Variants in USP34 observed in about 807,000 individuals in gnomAD.
USP34 encodes ubiquitin carboxyl-terminal hydrolase 34.
USP34 carries 70 observed loss-of-function variants against 460.3 expected under a neutral mutation model. The ratio of observed to expected loss-of-function variants is 0.15; its 90% CI spans 0.13 to 0.19. USP34 has a LOEUF of 0.19. Ranked by LOEUF, USP34 falls within the 10% of genes least tolerant of loss-of-function variation. The pLI is 1.00. For synonymous variants in USP34, 1,647 were observed against 1,405.3 expected, an observed-to-expected ratio of 1.17 and a Z score of -3.85; for missense variants, 3,985 against 4,236.2, an observed-to-expected ratio of 0.94 and a Z score of 1.65.
chr2:61,243,935 G>C (rs1376034624), intron 51 of USP34, among the ~76,000 whole-genome samples: 1 of 150,590 alleles, frequency 6.6e-6, no homozygotes, highest in Non-Finnish European at 1.5e-5. Flanking sequence ...GGTGGCTTTA[G>C]CAGTAACTCA....
At position 61,420,845 on chromosome 2, in the gene USP34, AAG is replaced by A. The variant is rs780806587; in HGVS notation, c.44-14_44-13del. The A allele has an allele frequency of 1.3e-6, 2 of 1,593,626 alleles. No homozygotes were observed. The highest frequency in any genetic ancestry group is 4.5e-5 in the East Asian group (2 of 44,528). On this transcript the variant is annotated splice_polypyrimidine_tract_variant and intron_variant, in intron 1 of 79. Transcript: ENST00000398571. ...TTCTACATCTGATACTGAAATAAAA[AAG>A]AAATTTTAAAATTATGAATAATGCT...
At chr2:61,223,033 T>G in intron 64 of USP34, 27 bp downstream of exon 64, 1 of 1,579,142 alleles carries the variant, frequency 6.3e-7, no homozygotes, top group Admixed American at 1.8e-5. Flanking sequence ...TTTCCAAAAA[T>G]CTTTAAGACT....
chr2:61,321,071 G>T (rs1690904678), intron 21 of USP34, among the ~76,000 whole-genome samples: 2 of 152,156 alleles, frequency 1.3e-5, no homozygotes, highest in South Asian at 4.1e-4. Context: ...AGCTACTTGG[G>T]AGGCTGAGGT....
chr2:61,460,248 A>C (rs559762668), intron 1 of USP34, among the ~76,000 whole-genome samples: 1 of 152,200 alleles, frequency 6.6e-6, no homozygotes, highest in African/African-American at 2.4e-5. Context: ...TAAACAATTC[A>C]TAAGTTTTAA....
At position 61,192,926 on chromosome 2, in the gene USP34, A is replaced by G; in HGVS notation, c.9563T>C (p.Leu3188Pro). ...CTGAGTCTGGCATAGCTCAGTCCAA[A>G]GTTTGGGGAACAGTGCAAGATGAAG... ...LPLHLALFPK[L>P]WTELCQTQSA... is the part of the protein sequence containing the mutation. The change falls in exon 76 of 80, where the codon CTT (leucine) becomes CCT (proline). Residue 3188 changes from leucine (L) to proline (P), a missense_variant. Transcript: ENST00000398571. The G allele has an allele frequency of 6.2e-7, 1 of 1,613,936 alleles. No individual in the cohort carries two copies. The highest frequency in any genetic ancestry group is 1.7e-4 in the Middle Eastern group (1 of 6,058).
At chr2:61,377,180 G>GA (rs1373496517) in intron 8 of USP34, among the ~76,000 whole-genome samples, 1 of 151,960 alleles carries the variant, frequency 6.6e-6, no homozygotes, top group Non-Finnish European at 1.5e-5. Flanking sequence ...AGCCTGAAGG[G>GA]AAAAAAGAGT....
rs1035462287 is a variant in USP34, at chr2:61,370,346, A to G, written c.1226T>C (p.Ile409Thr). The G allele has an allele frequency of 1.9e-6, 3 of 1,613,990 alleles. No homozygotes were observed. The highest frequency in any genetic ancestry group is 1.3e-5 in the African/African-American group (1 of 74,936). Residue 409 changes from isoleucine (I) to threonine (T), a missense_variant, in exon 10 of 80, where the codon ATT becomes ACT. Ile to Thr is a moderately conservative substitution (Grantham distance 89, BLOSUM62 -1). This residue lies in a region of USP34 where 716 missense variants were observed against 626.2 expected (regional missense o/e 1.14). Coordinates refer to ENST00000398571, the MANE Select transcript of USP34 (RefSeq NM_014709.4). ...AAEGRLSTQH[I>T]DCIWAAAQLK... The stretch of plus-strand genomic sequence containing the variant: ...CTGTGCTGCAGCCCAAATACAGTCA[A>G]TATGTTGAGTACTCAGTCGCCCTTC...
chr2:61,230,861 A>AC (rs1401895526), intron 58 of USP34, among the ~76,000 whole-genome samples: 5 of 148,150 alleles, frequency 3.4e-5, no homozygotes, highest in Admixed American at 6.7e-5. Context: ...AAAAAAAACA[A>AC]AACACAAAAA....
intron 25 of USP34, among the ~76,000 whole-genome samples, chr2:61,312,157 CCTT>C (rs375806678): frequency 2.7e-5 from 4 of 150,908 alleles, no homozygotes; most frequent in South Asian, 2.1e-4. Context: ...AAAAAAATCT[CCTT>C]AAGGCCAGTT....
intron 1 of USP34, among the ~76,000 whole-genome samples, chr2:61,434,735 CT>C (rs1273905893): frequency 4.7e-5 from 7 of 150,460 alleles, no homozygotes; most frequent in Non-Finnish European, 1.0e-4. Flanking sequence ...TAAATTAAGT[CT>C]TTCCCTATAA....
chr2:61,470,528 G>A (rs1214612555), intron 1 of USP34, 122 bp downstream of exon 1: 1 of 468,810 alleles, frequency 2.1e-6, no homozygotes, highest in South Asian at 2.5e-5. Flanking sequence ...CGGGGCGCTA[G>A]GCCCGCACGC....
chr2:61,343,362 C>G (rs965664436), intron 16 of USP34, among the ~76,000 whole-genome samples: 29 of 152,204 alleles, frequency 1.9e-4, no homozygotes, highest in Admixed American at 5.9e-4. Flanking sequence ...ACACTCGCCC[C>G]TCCTTATTCC....
intron 78 of USP34, 37 bp downstream of exon 78, chr2:61,190,232 GTT>G (rs1194189140): frequency 6.4e-7 from 1 of 1,570,668 alleles, no homozygotes; most frequent in Non-Finnish European, 8.6e-7. Flanking sequence ...CTGAAGGACA[GTT>G]TAAAAGTGTG....
intron 1 of USP34, among the ~76,000 whole-genome samples, chr2:61,439,269 T>G (rs1694899912): frequency 6.6e-6 from 1 of 152,134 alleles, no homozygotes; most frequent in Non-Finnish European, 1.5e-5. Flanking sequence ...CCAGGTTATG[T>G]GCCCCCTCCT....
At chr2:61,193,024 A>G (rs973952157) in intron 75 of USP34, 44 bp from the exon 76 acceptor site, 1 of 1,481,242 alleles carries the variant, frequency 6.8e-7, no homozygotes, top group South Asian at 1.2e-5. Context: ...ATTATAAATT[A>G]TACTAGTGAG....
chr2:61,387,104 C>T (rs950392866), intron 5 of USP34, among the ~76,000 whole-genome samples: 18 of 151,980 alleles, frequency 1.2e-4, no homozygotes, highest in African/African-American at 3.4e-4. Flanking sequence ...ACAGGTACTT[C>T]GCAAAAAAAA....
At chr2:61,425,594 G>C (rs1291620021) in intron 1 of USP34, among the ~76,000 whole-genome samples, 1 of 152,144 alleles carries the variant, frequency 6.6e-6, no homozygotes, top group East Asian at 1.9e-4. Context: ...GCCGATCCCA[G>C]GAGTCCCAAC....
intron 1 of USP34, among the ~76,000 whole-genome samples, chr2:61,463,346 T>A (rs374167643): frequency 6.4e-4 from 98 of 152,168 alleles, no homozygotes; most frequent in African/African-American, 2.3e-3. Context: ...AATCAAAAAA[T>A]TTGAAATTTT....
chr2:61,243,866 C>CA (rs74868863), intron 51 of USP34, among the ~76,000 whole-genome samples: 1,534 of 113,768 alleles, frequency 0.013, 21 homozygotes, highest in African/African-American at 0.029. Flanking sequence ...GAGACTGTCT[C>CA]AAAAAAAAAA....
Sources: gnomAD v4.1 joint callset for allele counts (sites outside exome capture counted in the v4.1 genomes callset) on GRCh38, gnomAD v4.1.1 for gene constraint, gnomAD v4.1.1 regional missense constraint, MANE v1.5 for transcripts, NCBI Gene and HGNC (gene_info 2026-07-23, HGNC 2026-07-21) for gene names.